CDH12: variants seen among roughly 807,000 people sequenced by gnomAD.
The protein encoded by CDH12 is cadherin 12, also known as cadherin-12.
Under a neutral mutation model 74.1 loss-of-function variants are expected in CDH12, and 41 were observed. The ratio of observed to expected loss-of-function variants is 0.55; its 90% confidence interval spans 0.43 to 0.72. The LOEUF is 0.72. Among genes scored for constraint, CDH12 ranks in the 30% least tolerant of loss-of-function variants. The probability of loss-of-function intolerance (pLI) is 0.00; values close to 1 mark genes in which losing one functional copy is unlikely to be tolerated. For missense variants in CDH12, 945 were observed against 977.2 expected (o/e 0.97, Z 0.44); for synonymous variants, 399 against 355.0 (o/e 1.12, Z -1.39).
At chr5:22,121,648 C>A (rs188273160) in intron 4 of CDH12, among the ~76,000 whole-genome samples, 1 of 152,168 alleles carries the variant, frequency 6.6e-6, no homozygotes, top group African/African-American at 2.4e-5. Flanking sequence ...ACAGTATAAG[C>A]TGTATATGAA....
At chr5:22,657,727 C>A (rs190733029) in intron 1 of CDH12, among the ~76,000 whole-genome samples, 1 of 152,060 alleles carries the variant, frequency 6.6e-6, no homozygotes, top group African/African-American at 2.4e-5. Flanking sequence ...TATAAACTCA[C>A]GTGCTTTCAA....
intron 1 of CDH12, among the ~76,000 whole-genome samples, chr5:22,810,827 G>C (rs1385619803): frequency 6.6e-6 from 1 of 152,028 alleles, no homozygotes; most frequent in Non-Finnish European, 1.5e-5. Context: ...AGAGTGCAGT[G>C]GGCTATGATC....
chr5:22,501,746 T>TAAA lies in CDH12; in HGVS notation c.-428+3521_-428+3523dup, dbSNP rs11379349. Among the ~76,000 whole-genome samples the TAAA allele has an allele frequency of 1.1e-3, 163 of 143,758 alleles. 1 individual carries two copies. The highest frequency in any genetic ancestry group is 4.0e-3 in the African/African-American group (157 of 39,412). The allele number at this position is 143,758 out of a possible 152,430, so 94.3% of individuals were successfully genotyped here. ...TTTAGTTATGCCTTACAAAGTATATTAAAAAAAAAAAAAAACAGATGGCTC... is the reference window on the plus strand; with the variant it reads ...TTTAGTTATGCCTTACAAAGTATATTAAAAAAAAAAAAAAAAAACAGATGGCTC... On this transcript the variant is annotated intron_variant, in intron 2 of 14. Coordinates refer to ENST00000382254, the MANE Select transcript of CDH12 (RefSeq NM_004061.5).
intron 1 of CDH12, among the ~76,000 whole-genome samples, chr5:22,527,430 T>C (rs577800188): frequency 5.3e-5 from 8 of 152,304 alleles, no homozygotes; most frequent in African/African-American, 1.9e-4. Flanking sequence ...AAGAATTTAA[T>C]AAGCTTCCTA....
At chr5:21,869,540 T>C (rs942396416) in intron 6 of CDH12, among the ~76,000 whole-genome samples, 1 of 152,182 alleles carries the variant, frequency 6.6e-6, no homozygotes, top group African/African-American at 2.4e-5. Context: ...TTTTTCTTTA[T>C]GTTTTATTCT....
intron 4 of CDH12, among the ~76,000 whole-genome samples, chr5:22,119,746 C>T (rs1247862648): frequency 6.6e-6 from 1 of 152,042 alleles, no homozygotes; most frequent in African/African-American, 2.4e-5. Context: ...TTTATTCACA[C>T]AAAGTAGTGT....
intron 6 of CDH12, among the ~76,000 whole-genome samples, chr5:21,966,722 GA>G (rs1489618435): frequency 6.6e-6 from 1 of 152,004 alleles, no homozygotes; most frequent in Non-Finnish European, 1.5e-5. Context: ...GCCTGATGAT[GA>G]ATTACTGTGC....
In CDH12 at chr5:22,194,577, C is replaced by T. The variant is rs1750517338; in HGVS notation, c.-187+17921G>A. 2.6e-5 allele frequency among the ~76,000 whole-genome samples: 4 copies of T among 151,968 alleles called. 1 individual carries two copies. The highest frequency in any genetic ancestry group is 2.6e-4 in the Admixed American group (4 of 15,252). On this transcript the variant is annotated intron_variant, in intron 4 of 14. Transcript: ENST00000382254. ...GAACTCTTGATCTCAAGAGATCCGC[C>T]CAGCTCAGCCTCCTAAAATGCTGGG...
intron 1 of CDH12, among the ~76,000 whole-genome samples, chr5:22,600,360 T>C (rs944137180): frequency 6.6e-6 from 1 of 152,282 alleles, no homozygotes; most frequent in South Asian, 2.1e-4. Context: ...CTGTACTAAA[T>C]TCCATTTAAA....
At chr5:22,242,558 C>A (rs912311219) in intron 3 of CDH12, among the ~76,000 whole-genome samples, 5 of 152,152 alleles carry the variant, frequency 3.3e-5, no homozygotes, top group African/African-American at 9.7e-5. Flanking sequence ...ATGTTAGGAC[C>A]AGAAATCACT....
In CDH12 at chr5:21,755,787, C is replaced by T. The variant is rs1025689342; in HGVS notation, c.1689G>A (p.Glu563=). 4 of 1,614,000 alleles carry T rather than the reference C, an allele frequency of 2.5e-6. No individual in the cohort carries two copies. Among genetic ancestry groups the T allele is most frequent in the Non-Finnish European group, 2.5e-6 (3 of 1,179,922 alleles). Residue 563 remains glutamate, a synonymous_variant, in exon 14 of 15, where the codon GAG becomes GAA. Transcript: ENST00000382254. The part of the protein sequence containing the change: ...RRNGYSRRQQ[E]LYFLPVVIED... ...CTATTACAACAGGGAGGAAATACAACTCTTGCTGCCTGCGGCTGTATCCAT... is the reference window on the plus strand; with the variant it reads ...CTATTACAACAGGGAGGAAATACAATTCTTGCTGCCTGCGGCTGTATCCAT...
intron 6 of CDH12, among the ~76,000 whole-genome samples, chr5:21,890,324 C>A (rs552109472): frequency 2.6e-5 from 4 of 152,126 alleles, no homozygotes; most frequent in Admixed American, 2.0e-4. Context: ...ACTCTTAAAT[C>A]TTTCTTCTAT....
At chr5:21,785,151 T>C (rs959843015) in intron 10 of CDH12, among the ~76,000 whole-genome samples, 1 of 152,208 alleles carries the variant, frequency 6.6e-6, no homozygotes, top group African/African-American at 2.4e-5. Context: ...TGAAATTATT[T>C]TGAATAAGAG....
At chr5:21,829,339 C>A (rs1193651401) in intron 8 of CDH12, among the ~76,000 whole-genome samples, 1 of 152,072 alleles carries the variant, frequency 6.6e-6, no homozygotes, top group African/African-American at 2.4e-5. Context: ...AAGCAAAAAC[C>A]ACTCCCTATT....
intron 3 of CDH12, among the ~76,000 whole-genome samples, chr5:22,359,782 A>G (rs941982594): frequency 4.6e-5 from 7 of 152,212 alleles, no homozygotes; most frequent in African/African-American, 1.7e-4. Flanking sequence ...AAATTCACTC[A>G]AAACCACTCA....
At chr5:22,661,123 C>T (rs1740323960) in intron 1 of CDH12, among the ~76,000 whole-genome samples, 1 of 152,088 alleles carries the variant, frequency 6.6e-6, no homozygotes, top group South Asian at 2.1e-4. Flanking sequence ...GCAAAGAAAC[C>T]TTATTTATAC....
chr5:22,120,620 AG>A (rs1175061800), intron 4 of CDH12, among the ~76,000 whole-genome samples: 1 of 152,162 alleles, frequency 6.6e-6, no homozygotes, highest in East Asian at 1.9e-4. Context: ...TTATGCAAAA[AG>A]AACAATGGTT....
intron 1 of CDH12, among the ~76,000 whole-genome samples, chr5:22,627,114 T>C (rs1457164021): frequency 6.6e-6 from 1 of 152,092 alleles, no homozygotes; most frequent in Non-Finnish European, 1.5e-5. Context: ...CTACGACTCA[T>C]TGGTATCCCT....
intron 3 of CDH12, among the ~76,000 whole-genome samples, chr5:22,323,042 A>G (rs1337192216): frequency 6.6e-6 from 1 of 152,174 alleles, no homozygotes; most frequent in Admixed American, 6.5e-5. Context: ...AAGAGTAATC[A>G]GTTTTAGGCA....
Sources: allele counts gnomAD v4.1 joint callset (sites outside exome capture counted in the v4.1 genomes callset), GRCh38; gene constraint gnomAD v4.1.1; transcripts MANE v1.5; gene names NCBI Gene and HGNC (gene_info 2026-07-23, HGNC 2026-07-21).